HIRA: variants seen among roughly 807,000 people sequenced by gnomAD.
The protein encoded by HIRA is histone cell cycle regulator.
Under a neutral mutation model 126.6 loss-of-function variants are expected in HIRA, and 13 were observed. The observed-to-expected ratio is 0.10, with a 90% confidence interval of 0.07 to 0.16. The LOEUF is 0.16. HIRA is among the 10% of genes least tolerant of loss of function. HIRA has a pLI of 1.00. For synonymous variants in HIRA, 511 were observed against 520.0 expected (o/e 0.98, Z 0.24); for missense variants, 834 against 1,314.4 (o/e 0.63, Z 5.65).
rs1009513972 is a variant in HIRA at position 19,351,893 on chromosome 22, G to C, written c.2849-447C>G. 6.6e-6 allele frequency among the ~76,000 whole-genome samples: 1 copy of C among 152,086 alleles called. No homozygotes were observed. The highest frequency in any genetic ancestry group is 1.9e-4 in the East Asian group (1 of 5,184). On this transcript the variant is annotated intron_variant, in intron 23 of 24. Transcript: ENST00000263208. This position sits in a 1 kb window ranked among gnomAD's most constrained non-coding sequence, Gnocchi z 4.8. ...GATGGCAAAGGCATGACTGAAGAGG[G>C]GCAACTGAGTGGAGGGGGCATAGGT...
rs1192624175 is a variant in HIRA at position 19,390,742 on chromosome 22, C to G, written c.936+1359G>C. 2.0e-5 allele frequency among the ~76,000 whole-genome samples: 3 copies of G among 151,776 alleles called. No homozygotes were observed. The East Asian group carries it at 5.8e-4, about 29-fold the overall frequency. Reference sequence around the variant, plus strand: ...TGAAATGGACTAATAGAGGCGTCAGCTTTCTGTGTGTCTTTTTCTGTGGAC... The same window carrying G: ...TGAAATGGACTAATAGAGGCGTCAGGTTTCTGTGTGTCTTTTTCTGTGGAC... On this transcript the variant is annotated intron_variant, in intron 9 of 24. Coordinates refer to ENST00000263208, the MANE Select transcript of HIRA (RefSeq NM_003325.4).
At chr22:19,370,762 A>G (rs1253031493) in intron 15 of HIRA, among the ~76,000 whole-genome samples, 1 of 152,218 alleles carries the variant, frequency 6.6e-6, no homozygotes, top group African/African-American at 2.4e-5. Flanking sequence ...TCTGGCTGGA[A>G]AGCAGGAAGC....
At chr22:19,405,476 C>T (rs2146239619) in intron 5 of HIRA, 2 of 985,208 alleles carry the variant, frequency 2.0e-6, no homozygotes, top group African/African-American at 1.7e-5. Context: ...CTTAGTGATC[C>T]GCTGATGAAG....
intron 24 of HIRA, among the ~76,000 whole-genome samples, chr22:19,345,820 G>A (rs1556008713): frequency 1.3e-5 from 2 of 152,166 alleles, no homozygotes; most frequent in Non-Finnish European, 2.9e-5. Flanking sequence ...CCAGGAACCT[G>A]AAAGGTGTTT....
chr22:19,431,293 A>G (rs893309495), intron 1 of HIRA, 147 bp downstream of exon 1: 1 of 889,764 alleles, frequency 1.1e-6, no homozygotes, highest in Non-Finnish European at 1.8e-6. Flanking sequence ...CGCTGAGGAC[A>G]AAGTCCGCTC....
intron 15 of HIRA, among the ~76,000 whole-genome samples, chr22:19,372,484 T>C (rs950969828): frequency 3.3e-5 from 5 of 152,218 alleles, no homozygotes; most frequent in African/African-American, 1.2e-4. Context: ...TTCTGGACTT[T>C]AATTAGATGG....
intron 20 of HIRA, 22 bp downstream of exon 20, chr22:19,356,208 G>C: frequency 2.5e-6 from 4 of 1,609,412 alleles, no homozygotes; most frequent in South Asian, 1.1e-5. Context: ...AAAGAGTAGG[G>C]ACAGCCTGTT....
chr22:19,428,765 T>G (rs1044554917), intron 1 of HIRA, among the ~76,000 whole-genome samples: 1 of 152,088 alleles, frequency 6.6e-6, no homozygotes, highest in South Asian at 2.1e-4. Context: ...TGGGCAACAC[T>G]GCAAGATCCC....
intron 15 of HIRA, among the ~76,000 whole-genome samples, chr22:19,367,043 G>A (rs929879775): frequency 6.6e-6 from 1 of 152,302 alleles, no homozygotes. Flanking sequence ...GATTACAGGT[G>A]TGAGCCACTG....
chr22:19,387,664 T>G (rs2089139020), intron 11 of HIRA, 47 bp downstream of exon 11: 7 of 1,428,278 alleles, frequency 4.9e-6, no homozygotes, highest in Non-Finnish European at 6.9e-6. Flanking sequence ...AGAGCTATTG[T>G]GGCAATGGCC....
At chr22:19,370,283 C>T (rs1162597725) in intron 15 of HIRA, among the ~76,000 whole-genome samples, 1 of 152,044 alleles carries the variant, frequency 6.6e-6, no homozygotes, top group Non-Finnish European at 1.5e-5. Flanking sequence ...GGGTCTCACT[C>T]TGTTGCCCAG....
chr22:19,393,195 C>A lies in HIRA; in HGVS notation c.823-981G>T, dbSNP rs555270350. 5.3e-5 allele frequency among the ~76,000 whole-genome samples: 8 copies of A among 152,188 alleles called. No homozygotes were observed. In the South Asian group the frequency reaches 1.5e-3, roughly 28 times the overall value. The stretch of plus-strand genomic sequence containing the variant: ...TTGTGAGGACTGCATGGGAGAATCA[C>A]GTAGAGCACTAACCATGAAGCACTG... On this transcript the variant is annotated intron_variant, in intron 8 of 24. Coordinates refer to ENST00000263208, the MANE Select transcript of HIRA (RefSeq NM_003325.4).
Position 19,383,667 on chromosome 22 carries a change from A to G in HIRA, c.1368T>C (p.Asp456=). The G allele has an allele frequency of 1.2e-6, 2 of 1,614,222 alleles. No individual in the cohort carries two copies. Among genetic ancestry groups the G allele is most frequent in the Non-Finnish European group, 1.7e-6 (2 of 1,180,022 alleles). Residue 456 remains aspartate (D), a synonymous_variant, in exon 13 of 25, where the codon GAT becomes GAC. Transcript: ENST00000263208. ...LKKQVETRTA[D]GRRRITPLCI... Reference sequence around the variant, plus strand: ...AGAGAGGCGTGATTCTTCTCCGGCCATCTGCTGTCCGAGTCTCAACTTGTT... The same window carrying G: ...AGAGAGGCGTGATTCTTCTCCGGCCGTCTGCTGTCCGAGTCTCAACTTGTT...
chr22:19,416,221 C>T (rs2089396561), intron 1 of HIRA, among the ~76,000 whole-genome samples: 1 of 152,214 alleles, frequency 6.6e-6, no homozygotes, highest in Admixed American at 6.5e-5. Flanking sequence ...ATACAATTAA[C>T]TCAAAATGGA....
At chr22:19,337,089 T>C (rs2088574734) in intron 24 of HIRA, among the ~76,000 whole-genome samples, 1 of 152,164 alleles carries the variant, frequency 6.6e-6, no homozygotes, top group Non-Finnish European at 1.5e-5. Context: ...CAGAACTTTT[T>C]GGCTTTTTCT....
chr22:19,340,444 C>G (rs1556007253), intron 24 of HIRA, among the ~76,000 whole-genome samples: 1 of 152,072 alleles, frequency 6.6e-6, no homozygotes, highest in East Asian at 1.9e-4. Context: ...AGGGTTCCCC[C>G]TGAGAACTCT....
chr22:19,343,276 G>T (rs2088651336), intron 24 of HIRA, among the ~76,000 whole-genome samples: 1 of 152,160 alleles, frequency 6.6e-6, no homozygotes, highest in African/African-American at 2.4e-5. Flanking sequence ...AAGAGGCCAG[G>T]TGCAGTGGCT....
chr22:19,427,699 G>A (rs2089499337), intron 1 of HIRA, among the ~76,000 whole-genome samples: 3 of 152,194 alleles, frequency 2.0e-5, no homozygotes, highest in Admixed American at 2.0e-4. Context: ...TGGCCCTCTT[G>A]GTTAGAACTG....
intron 11 of HIRA, among the ~76,000 whole-genome samples, chr22:19,386,510 A>G (rs1015294586): frequency 4.6e-5 from 7 of 152,344 alleles, no homozygotes; most frequent in African/African-American, 1.7e-4. Flanking sequence ...ATGGGTTGAG[A>G]GGCAGCGTTC....
Sources: gnomAD v4.1 joint callset for allele counts (sites outside exome capture counted in the v4.1 genomes callset) on GRCh38, gnomAD v4.1.1 for gene constraint, Gnocchi (gnomAD v3.1) non-coding constraint, MANE v1.5 for transcripts, NCBI Gene and HGNC (gene_info 2026-07-23, HGNC 2026-07-21) for gene names.